PRSS23: variants seen among roughly 807,000 people sequenced by gnomAD.
PRSS23 encodes the protein protease, serine 23.
A neutral mutation model predicts 34.7 loss-of-function variants in PRSS23; 25 were observed. That is an observed-to-expected ratio of 0.72 (90% CI 0.53 to 1.01). The LOEUF (loss-of-function observed/expected upper bound fraction) is 1.01. Among genes scored for constraint, PRSS23 ranks in the 50% least tolerant of loss-of-function variants. The pLI is 0.00. For synonymous variants in PRSS23, 176 were observed against 186.6 expected, an observed-to-expected ratio of 0.94 and a Z score of 0.46; for missense variants, 445 against 475.6, an observed-to-expected ratio of 0.94 and a Z score of 0.60.
At chr11:86,849,492 A>C (rs1397543088) in intron 2 of PRSS23, among the ~76,000 whole-genome samples, 1 of 152,226 alleles carries the variant, frequency 6.6e-6, no homozygotes, top group Non-Finnish European at 1.5e-5. Context: ...AAGAATGCCC[A>C]TCCAATTCAA....
intron 2 of PRSS23, among the ~76,000 whole-genome samples, chr11:86,853,991 T>C (rs1948550236): frequency 6.6e-6 from 1 of 152,176 alleles, no homozygotes; most frequent in Non-Finnish European, 1.5e-5. Context: ...ATATGCTTAT[T>C]GGCCATTGCT....
chr11:86,945,713 ATTAAAT>A (rs1949236981), intron 2 of PRSS23: 1 of 152,684 alleles, frequency 6.5e-6, no homozygotes, highest in Admixed American at 6.5e-5. Flanking sequence ...TTAATACAAA[ATTAAAT>A]AGCAAGGGGT....
chr11:86,899,832 T>TAA (rs374256103), intron 2 of PRSS23, among the ~76,000 whole-genome samples: 35 of 144,542 alleles, frequency 2.4e-4, no homozygotes, highest in South Asian at 1.1e-3. Flanking sequence ...CCCCATTTCT[T>TAA]AAAAAAAAAA....
intron 2 of PRSS23, among the ~76,000 whole-genome samples, chr11:86,913,983 T>C (rs977611865): frequency 1.4e-4 from 20 of 140,674 alleles, no homozygotes; most frequent in Non-Finnish European, 3.0e-5. Flanking sequence ...GGCGGGTGGA[T>C]CACCTGAGGT....
intron 2 of PRSS23, among the ~76,000 whole-genome samples, chr11:86,918,971 G>C (rs1041851962): frequency 6.6e-6 from 1 of 152,218 alleles, no homozygotes; most frequent in Admixed American, 6.5e-5. Context: ...TCAGGCCAAA[G>C]AGCATAGGCG....
intron 2 of PRSS23, among the ~76,000 whole-genome samples, chr11:86,905,027 G>A (rs1230503894): frequency 6.6e-6 from 1 of 152,166 alleles, no homozygotes; most frequent in Non-Finnish European, 1.5e-5. Flanking sequence ...CTGTACTTCA[G>A]TCTGGGGGAC....
At chr11:86,927,714 G>C (rs76332208) in intron 2 of PRSS23, among the ~76,000 whole-genome samples, 4 of 151,984 alleles carry the variant, frequency 2.6e-5, no homozygotes. Flanking sequence ...AAATATGAGC[G>C]GCAAAGACTA....
At chr11:86,796,766 T>C (rs903632261), upstream of PRSS23, among the ~76,000 whole-genome samples, 1 of 152,190 alleles carries the variant, frequency 6.6e-6, no homozygotes. Context: ...AATTTATGCA[T>C]TGATTTTCTC....
At chr11:86,931,447 T>C (rs900604320) in intron 2 of PRSS23, among the ~76,000 whole-genome samples, 1 of 151,826 alleles carries the variant, frequency 6.6e-6, no homozygotes. Flanking sequence ...ACAACATGAA[T>C]GAGTCTTAAA....
intron 2 of PRSS23, among the ~76,000 whole-genome samples, chr11:86,870,903 C>G (rs1436355730): frequency 6.6e-6 from 1 of 152,166 alleles, no homozygotes; most frequent in Non-Finnish European, 1.5e-5. Flanking sequence ...TTCTGTCCAC[C>G]TTTCTTTCAA....
intron 2 of PRSS23, among the ~76,000 whole-genome samples, chr11:86,867,184 C>T (rs1336454795): frequency 6.6e-6 from 1 of 152,238 alleles, no homozygotes; most frequent in Non-Finnish European, 1.5e-5. Flanking sequence ...CTCTTACCAT[C>T]TGGAATGCTC....
intron 2 of PRSS23, among the ~76,000 whole-genome samples, chr11:86,918,500 T>C (rs1318880429): frequency 6.6e-6 from 1 of 152,246 alleles, no homozygotes; most frequent in African/African-American, 2.4e-5. Context: ...TATTTTTAAA[T>C]TGCCACCTCA....
At chr11:86,910,548 G>A (rs1948970465) in intron 2 of PRSS23, 1 of 152,128 alleles carries the variant, frequency 6.6e-6, no homozygotes, top group African/African-American at 2.4e-5. Flanking sequence ...GAATATACGT[G>A]CAAAGTATTT....
chr11:86,823,709 T>C (rs771033893), intron 2 of PRSS23: 7 of 655,256 alleles, frequency 1.1e-5, no homozygotes, highest in African/African-American at 1.8e-5. Flanking sequence ...ATTGGTTTCA[T>C]CAAGAATTCA....
At chr11:86,915,136 C>G (rs916416025) in intron 2 of PRSS23, among the ~76,000 whole-genome samples, 1 of 152,072 alleles carries the variant, frequency 6.6e-6, no homozygotes, top group African/African-American at 2.4e-5. Flanking sequence ...ATTGGAAAAC[C>G]CGAATTTTAC....
At chr11:86,822,620 T>TAA (rs113888066) in intron 1 of PRSS23, among the ~76,000 whole-genome samples, 4,491 of 101,916 alleles carry the variant, frequency 0.044, 93 homozygotes, top group Middle Eastern at 0.094. Context: ...TGAACCTGAC[T>TAA]AAAAAAAAAA....
In PRSS23 at chr11:86,848,269, A is replaced by G. The variant is rs73526365; in HGVS notation, c.206+24676A>G. Among the ~76,000 whole-genome samples, 634 of 152,314 alleles carry G rather than the reference A, an allele frequency of 4.2e-3. 3 individuals are homozygous for G. The highest frequency in any genetic ancestry group is 0.014 in the African/African-American group (567 of 41,574). ...TTGATCAGACCTTAAGTCCTACTGAAAAAAAAGCAGCTTTAGCAGCAGCCC... is the reference window on the plus strand; with the variant it reads ...TTGATCAGACCTTAAGTCCTACTGAGAAAAAAGCAGCTTTAGCAGCAGCCC... On this transcript the variant is annotated intron_variant, in intron 2 of 2. Transcript: ENST00000533902.
intron 2 of PRSS23, among the ~76,000 whole-genome samples, chr11:86,923,878 A>G (rs1949063064): frequency 6.6e-6 from 1 of 152,200 alleles, no homozygotes; most frequent in African/African-American, 2.4e-5. Context: ...AGAATTCCCA[A>G]CAGAAAACAC....
intron 2 of PRSS23, chr11:86,911,761 AGTGTGT>A (rs55775295): frequency 0.16 from 24,217 of 151,226 alleles, 2,220 homozygotes; most frequent in East Asian, 0.4. Flanking sequence ...AACGAAGTGG[AGTGTGT>A]GTGTGTGTGT....
Sources: gnomAD v4.1 joint callset for allele counts (sites outside exome capture counted in the v4.1 genomes callset) on GRCh38, gnomAD v4.1.1 for gene constraint, MANE v1.5 for transcripts, NCBI Gene and HGNC (gene_info 2026-07-23, HGNC 2026-07-21) for gene names.